Variants in USP18 observed in about 807,000 individuals in gnomAD.
The protein encoded by USP18 is ubiquitin specific peptidase 18, also known as ubl carboxyl-terminal hydrolase 18.
Under a neutral mutation model 48.7 loss-of-function variants are expected in USP18, and 11 were observed. The observed-to-expected ratio is 0.23, with a 90% confidence interval of 0.14 to 0.37. The LOEUF (loss-of-function observed/expected upper bound fraction) is 0.37. Among genes scored for constraint, USP18 ranks in the 10% least tolerant of loss-of-function variants. USP18 has a pLI of 1.00. For synonymous variants in USP18, 114 were observed against 163.2 expected (o/e 0.70, Z 2.30); for missense variants, 285 against 436.4 (o/e 0.65, Z 3.09).
chr22:18,152,562 G>A (rs957433560), intron 1 of USP18, among the ~76,000 whole-genome samples: 3 of 151,666 alleles, frequency 2.0e-5, no homozygotes, highest in African/African-American at 7.3e-5. Context: ...CAAAGACCCC[G>A]CGCCTGGCCT....
At chr22:18,159,888 A>G (rs968095812) in intron 2 of USP18, among the ~76,000 whole-genome samples, 1 of 152,042 alleles carries the variant, frequency 6.6e-6, no homozygotes, top group Admixed American at 6.6e-5. Context: ...CGTGTTAGCC[A>G]GGATGGTCTC....
intron 2 of USP18, among the ~76,000 whole-genome samples, chr22:18,159,928 C>T (rs1283108181): frequency 1.1e-4 from 17 of 152,104 alleles, no homozygotes; most frequent in South Asian, 2.1e-4. Flanking sequence ...CTGCCCGCCT[C>T]GGCCTCCCAA....
chr22:18,170,289 A>G (rs986270959), intron 7 of USP18, among the ~76,000 whole-genome samples: 1 of 152,040 alleles, frequency 6.6e-6, no homozygotes, highest in African/African-American at 2.4e-5. Context: ...ATTTCCTGAT[A>G]GAATCATCAG....
At chr22:18,157,868 T>C in intron 2 of USP18, 48 bp downstream of exon 2, 1 of 1,610,046 alleles carries the variant, frequency 6.2e-7, no homozygotes. Flanking sequence ...ATGTAAATGT[T>C]CGGCTCACCC....
intron 1 of USP18, among the ~76,000 whole-genome samples, chr22:18,152,114 C>T (rs991090462): frequency 6.6e-6 from 1 of 152,122 alleles, no homozygotes; most frequent in African/African-American, 2.4e-5. Flanking sequence ...AACACGTCAT[C>T]GAGACTGCGG....
intron 4 of USP18, among the ~76,000 whole-genome samples, chr22:18,163,395 G>C (rs1322170189): frequency 1.3e-5 from 2 of 152,128 alleles, no homozygotes; most frequent in African/African-American, 4.8e-5. Flanking sequence ...TGTAATCCCA[G>C]CACTTTGGGA....
chr22:18,171,667 C>G (rs1480415856), intron 8 of USP18, among the ~76,000 whole-genome samples: 2 of 152,054 alleles, frequency 1.3e-5, no homozygotes, highest in Non-Finnish European at 2.9e-5. Flanking sequence ...AAAAAAGACA[C>G]AAATATCTTT....
chr22:18,174,106 G>A (rs1419003692), intron 10 of USP18, among the ~76,000 whole-genome samples: 6 of 151,742 alleles, frequency 4.0e-5, no homozygotes, highest in African/African-American at 9.7e-5. Context: ...TCCTCTCCTC[G>A]TTTACCATCT....
intron 1 of USP18, among the ~76,000 whole-genome samples, chr22:18,150,510 G>T (rs768957030): frequency 4.6e-5 from 7 of 152,162 alleles, no homozygotes; most frequent in Non-Finnish European, 8.8e-5. Flanking sequence ...AATGTGTCTC[G>T]CAGTCTTCCA....
intron 1 of USP18, among the ~76,000 whole-genome samples, chr22:18,152,065 T>G (rs1331391986): frequency 1.3e-5 from 2 of 151,642 alleles, no homozygotes; most frequent in African/African-American, 4.8e-5. Context: ...AAAATAAAAA[T>G]AAAAATAAAA....
chr22:18,155,893 A>C (rs1929121285), intron 1 of USP18, among the ~76,000 whole-genome samples: 1 of 152,258 alleles, frequency 6.6e-6, no homozygotes, highest in Admixed American at 6.5e-5. Flanking sequence ...CGGGACTGGC[A>C]GGCAGCTCCA....
chr22:18,160,467 ATTT>A, intron 3 of USP18, among the ~76,000 whole-genome samples, 199 bp downstream of exon 3: 1 of 151,000 alleles, frequency 6.6e-6, no homozygotes, highest in African/African-American at 2.4e-5. Flanking sequence ...TGCCTGGCTA[ATTT>A]TTTTTGTATT....
At chr22:18,157,480 C>A in intron 1 of USP18, 78 bp from the exon 2 acceptor site, 1 of 750,630 alleles carries the variant, frequency 1.3e-6, no homozygotes, top group Non-Finnish European at 2.2e-6. Context: ...AAGACCTGCT[C>A]TTTGGCATCA....
At chr22:18,151,149 T>C (rs1190098641) in intron 1 of USP18, among the ~76,000 whole-genome samples, 6 of 152,142 alleles carry the variant, frequency 3.9e-5, no homozygotes, top group African/African-American at 9.7e-5. Context: ...TATTGAGAAA[T>C]TGGAAGGATG....
chr22:18,173,929 A>G (rs1929709000), intron 10 of USP18, 87 bp downstream of exon 10: 3 of 1,501,648 alleles, frequency 2.0e-6, no homozygotes, highest in South Asian at 1.2e-5. Flanking sequence ...TTCCCCTGTT[A>G]CTAACATGCT....
At chr22:18,151,286 G>T (rs2123723427) in intron 1 of USP18, among the ~76,000 whole-genome samples, 1 of 152,176 alleles carries the variant, frequency 6.6e-6, no homozygotes, top group African/African-American at 2.4e-5. Flanking sequence ...GAAAATCTGG[G>T]TTCAAAGTGT....
At chr22:18,163,452 G>C (rs185029087) in intron 4 of USP18, among the ~76,000 whole-genome samples, 2 of 152,112 alleles carry the variant, frequency 1.3e-5, no homozygotes, top group African/African-American at 4.8e-5. Context: ...GACCATCCTG[G>C]CTAACACGGT....
intron 9 of USP18, 142 bp from the exon 10 acceptor site, chr22:18,173,651 C>T: frequency 8.0e-7 from 1 of 1,245,406 alleles, no homozygotes; most frequent in Non-Finnish European, 1.1e-6. Context: ...TTGCACAAGA[C>T]ATCCTGCTGC....
Position 18,173,936 on chromosome 22 carries a change from T to G in USP18, c.1073+94T>G. The G allele has an allele frequency of 2.0e-6, 3 of 1,504,598 alleles. No individual in the cohort carries two copies. The East Asian group carries it at 7.1e-5, about 35-fold the overall frequency. 93.2% of individuals were successfully genotyped at this position (1,504,598 alleles called of 1,614,324 possible). On this transcript the variant is annotated intron_variant, in intron 10 of 10. Coordinates refer to ENST00000215794, the MANE Select transcript of USP18 (RefSeq NM_017414.4). ...CCCATGGATTCCCCTGTTACTAACATGCTGATGGCTCACTGTCCGCCTCAT... is the reference window on the plus strand; with the variant it reads ...CCCATGGATTCCCCTGTTACTAACAGGCTGATGGCTCACTGTCCGCCTCAT...
Sources: gnomAD v4.1 joint callset for allele counts (sites outside exome capture counted in the v4.1 genomes callset) on GRCh38, gnomAD v4.1.1 for gene constraint, MANE v1.5 for transcripts, NCBI Gene and HGNC (gene_info 2026-07-23, HGNC 2026-07-21) for gene names.